SPATA17: variants seen among roughly 807,000 people sequenced by gnomAD.
The protein encoded by SPATA17 is spermatogenesis-associated protein 17.
A neutral mutation model predicts 62.2 loss-of-function variants in SPATA17; 53 were observed. The ratio of observed to expected loss-of-function variants is 0.85; its 90% confidence interval spans 0.68 to 1.07. The LOEUF (loss-of-function observed/expected upper bound fraction) is 1.07. Among genes scored for constraint, SPATA17 ranks in the 50% least tolerant of loss-of-function variants. SPATA17 has a pLI of 0.00. For synonymous variants in SPATA17, 146 were observed against 146.8 expected (o/e 0.99, Z 0.04); for missense variants, 466 against 425.5 (o/e 1.10, Z -0.84).
chr1:217,808,591 C>A (rs976239782), intron 9 of SPATA17, among the ~76,000 whole-genome samples: 1 of 152,142 alleles, frequency 6.6e-6, no homozygotes, highest in Non-Finnish European at 1.5e-5. Flanking sequence ...CAGTGGCCCA[C>A]GCCTGTAATC....
intron 5 of SPATA17, among the ~76,000 whole-genome samples, chr1:217,735,825 A>G (rs1672499605): frequency 6.6e-6 from 1 of 152,072 alleles, no homozygotes; most frequent in African/African-American, 2.4e-5. Context: ...AGCAAAAAGA[A>G]TGTGACCATC....
At chr1:217,644,485 C>G (rs944682913) in intron 1 of SPATA17, among the ~76,000 whole-genome samples, 1 of 151,754 alleles carries the variant, frequency 6.6e-6, no homozygotes, top group African/African-American at 2.4e-5. Flanking sequence ...AAAATAGTTA[C>G]AAGTTATATG....
intron 6 of SPATA17, among the ~76,000 whole-genome samples, chr1:217,772,174 T>C (rs1390468677): frequency 6.6e-6 from 1 of 152,162 alleles, no homozygotes; most frequent in East Asian, 1.9e-4. Flanking sequence ...CCCTAGAAAT[T>C]ATCTTTATAA....
At chr1:217,656,397 A>T (rs1428664442) in intron 3 of SPATA17, among the ~76,000 whole-genome samples, 3 of 152,208 alleles carry the variant, frequency 2.0e-5, no homozygotes, top group Admixed American at 6.5e-5. Context: ...CACCCAGTAT[A>T]ATCACCAAAT....
At chr1:217,782,389 T>C in intron 8 of SPATA17, 67 bp downstream of exon 8, 1 of 1,469,076 alleles carries the variant, frequency 6.8e-7, no homozygotes, top group South Asian at 1.4e-5. Context: ...AATTTTTTTA[T>C]TTTCTAATAC....
intron 5 of SPATA17, among the ~76,000 whole-genome samples, chr1:217,687,320 T>C (rs1227642728): frequency 6.6e-6 from 1 of 152,182 alleles, no homozygotes; most frequent in Non-Finnish European, 1.5e-5. Flanking sequence ...GGCTTTTTCT[T>C]GTAGTTTAAA....
intron 7 of SPATA17, 71 bp downstream of exon 7, chr1:217,774,608 A>G: frequency 7.9e-7 from 1 of 1,273,796 alleles, no homozygotes; most frequent in South Asian, 1.3e-5. Flanking sequence ...TTTATATAAC[A>G]CTATCTTAAT....
At chr1:217,739,080 T>C (rs1362061056) in intron 5 of SPATA17, among the ~76,000 whole-genome samples, 1 of 152,208 alleles carries the variant, frequency 6.6e-6, no homozygotes, top group East Asian at 1.9e-4. Flanking sequence ...ATGAATATCA[T>C]TGGCAAAATA....
chr1:217,857,368 C>G (rs989283119), intron 9 of SPATA17, among the ~76,000 whole-genome samples: 1 of 152,134 alleles, frequency 6.6e-6, no homozygotes. Context: ...CTCAGAGAGC[C>G]GTTCACTTCC....
intron 1 of SPATA17, among the ~76,000 whole-genome samples, chr1:217,644,663 G>A (rs534942253): frequency 1.3e-5 from 2 of 151,722 alleles, no homozygotes; most frequent in Admixed American, 6.6e-5. Flanking sequence ...CTTATTGTCA[G>A]TTCATTTCTG....
intron 9 of SPATA17, among the ~76,000 whole-genome samples, chr1:217,844,030 G>A (rs1249340449): frequency 1.3e-5 from 2 of 152,126 alleles, no homozygotes; most frequent in African/African-American, 4.8e-5. Flanking sequence ...CCAGCTAAAA[G>A]CAGAACTTTC....
chr1:217,857,276 C>T (rs759945109), intron 9 of SPATA17, among the ~76,000 whole-genome samples: 60 of 152,158 alleles, frequency 3.9e-4, no homozygotes, highest in Non-Finnish European at 7.3e-4. Context: ...AGTAATCTTA[C>T]ACTTAGTGGG....
At chr1:217,826,598 A>G (rs1259563204) in intron 9 of SPATA17, among the ~76,000 whole-genome samples, 1 of 152,040 alleles carries the variant, frequency 6.6e-6, no homozygotes, top group Non-Finnish European at 1.5e-5. Flanking sequence ...ATGATTTTAA[A>G]TAGTCATAGT....
rs376041446 is a variant in SPATA17, at chr1:217,793,215, G to GTTTTTTTTTTTTTTTTTTTTTTTTT, written c.873-8498_873-8497insTTTTTTTTTTTTTTTTTTTTTTTTT. On this transcript the variant is annotated intron_variant, in intron 8 of 10. Transcript: ENST00000366933. ...GAATTGCTTTAATGTTAGGGCAGTG[G>GTTTTTTTTTTTTTTTTTTTTTTTTT]TTTTTGTTTTTTTTTTTTTTTTTGA... 7.0e-5 allele frequency among the ~76,000 whole-genome samples: 8 copies of GTTTTTTTTTTTTTTTTTTTTTTTTT among 114,598 alleles called. 3 individuals carry two copies. Among genetic ancestry groups the GTTTTTTTTTTTTTTTTTTTTTTTTT allele is most frequent in the Non-Finnish European group, 1.1e-4 (6 of 56,448 alleles). 75.2% of individuals were successfully genotyped at this position (114,598 alleles called of 152,430 possible). A position where few individuals can be genotyped will look rare whatever the true frequency, so the allele number is the denominator to read the frequency against.
intron 9 of SPATA17, among the ~76,000 whole-genome samples, chr1:217,852,273 G>T (rs1048027227): frequency 6.6e-6 from 1 of 152,132 alleles, no homozygotes; most frequent in Non-Finnish European, 1.5e-5. Context: ...TTTAACCTTA[G>T]ATACTATTTG....
intron 5 of SPATA17, among the ~76,000 whole-genome samples, chr1:217,734,391 C>T (rs1409007544): frequency 1.3e-5 from 2 of 152,078 alleles, no homozygotes; most frequent in African/African-American, 4.8e-5. Context: ...TTTTTGGAGA[C>T]AGGGTCTTAC....
chr1:217,835,077 A>G (rs1441550536), intron 9 of SPATA17, among the ~76,000 whole-genome samples: 1 of 152,176 alleles, frequency 6.6e-6, no homozygotes, highest in Non-Finnish European at 1.5e-5. Context: ...AGATTATACC[A>G]TCTAGCTTTG....
chr1:217,764,003 C>G (rs1287879186), intron 6 of SPATA17, among the ~76,000 whole-genome samples: 3 of 152,074 alleles, frequency 2.0e-5, no homozygotes, highest in Admixed American at 1.3e-4. Flanking sequence ...CACATGCACA[C>G]CCTTCCCCAC....
At chr1:217,842,063 C>T (rs1206970259) in intron 9 of SPATA17, among the ~76,000 whole-genome samples, 2 of 151,662 alleles carry the variant, frequency 1.3e-5, no homozygotes, top group African/African-American at 4.8e-5. Context: ...TTATCAAATT[C>T]TTCTGCATCT....
Sources: allele counts gnomAD v4.1 joint callset (sites outside exome capture counted in the v4.1 genomes callset), GRCh38; gene constraint gnomAD v4.1.1; transcripts MANE v1.5; gene names NCBI Gene and HGNC (gene_info 2026-07-23, HGNC 2026-07-21).